TRAF1: variants seen among roughly 807,000 people sequenced by gnomAD.
The protein encoded by TRAF1 is TNF receptor associated factor 1, also known as TNF receptor-associated factor 1.
Under a neutral mutation model 40.9 loss-of-function variants are expected in TRAF1, and 23 were observed. The ratio of observed to expected loss-of-function variants is 0.56; its 90% confidence interval spans 0.40 to 0.80. The LOEUF is 0.80. Ranked by LOEUF, TRAF1 falls within the 30% of genes least tolerant of loss-of-function variation. The pLI, the probability that TRAF1 is intolerant of heterozygous loss-of-function variation, is 0.00. For synonymous variants in TRAF1, 206 were observed against 218.8 expected (o/e 0.94, Z 0.52); for missense variants, 477 against 528.7 (o/e 0.90, Z 0.96).
intron 7 of TRAF1, among the ~76,000 whole-genome samples, chr9:120,906,173 G>GGTT (rs755928507): frequency 1.2e-5 from 1 of 84,878 alleles, no homozygotes; most frequent in African/African-American, 4.4e-5. Context: ...ATTATGGTGT[G>GGTT]TTTTTTTTTT....
intron 7 of TRAF1, among the ~76,000 whole-genome samples, chr9:120,906,499 A>G (rs916929974): frequency 6.6e-6 from 1 of 152,076 alleles, no homozygotes; most frequent in Non-Finnish European, 1.5e-5. Flanking sequence ...AATAGATTGT[A>G]TTTTTTAGAG....
chr9:120,913,781 T>G (rs2046549192), intron 4 of TRAF1, 43 bp from the exon 5 acceptor site: 1 of 1,517,184 alleles, frequency 6.6e-7, no homozygotes, highest in African/African-American at 1.4e-5. Flanking sequence ...AGAGGTGGAG[T>G]GAGGACAGGG....
In TRAF1 at chr9:120,914,964, G is replaced by A. The variant is rs545760979; in HGVS notation, c.229-664C>T. Among the ~76,000 whole-genome samples the A allele has an allele frequency of 5.3e-5, 8 of 152,254 alleles. No individual in the cohort carries two copies. In the East Asian group the frequency reaches 9.6e-4, roughly 18 times the overall value. ...TCCTAGGGCTCCTTACAGCATGGTGGGGAAGAGAGGGTGGGTTTTTATTCC... is the reference window on the plus strand; with the variant it reads ...TCCTAGGGCTCCTTACAGCATGGTGAGGAAGAGAGGGTGGGTTTTTATTCC... On this transcript the variant is annotated intron_variant, in intron 3 of 7. Transcript: ENST00000373887.
rs1193143163 is a variant in TRAF1 at position 120,904,012 on chromosome 9, G to A, written c.*1008C>T. ...TCTTTGGGGTTATACATTGCTCAGT[G>A]GCTTGGAGGTCCTGATCAGTCTGCT... On this transcript the variant is annotated 3_prime_UTR_variant, in exon 8 of 8. Transcript: ENST00000373887. The A allele has an allele frequency of 6.6e-6, 1 of 152,282 alleles. No homozygotes were observed. Among genetic ancestry groups the A allele is most frequent in the Non-Finnish European group, 1.5e-5 (1 of 68,078 alleles). The allele number at this position is 152,282 out of a possible 1,614,324, so 9.4% of individuals were successfully genotyped here. A position where few individuals can be genotyped will look rare whatever the true frequency, so the allele number is the denominator to read the frequency against.
rs1564523924 is a variant in TRAF1 at position 120,902,504 on chromosome 9, CG to C, written c.*2515del. 1 of 5,870 alleles carries C rather than the reference CG, an allele frequency of 1.7e-4. No individual in the cohort carries two copies. The highest frequency in any genetic ancestry group is 3.9e-3 in the East Asian group (1 of 256). 0.4% of individuals were successfully genotyped at this position (5,870 alleles called of 1,614,324 possible). A position where few individuals can be genotyped will look rare whatever the true frequency, so the allele number is the denominator to read the frequency against. On this transcript the variant is annotated 3_prime_UTR_variant, in exon 8 of 8. Transcript: ENST00000373887. The stretch of plus-strand genomic sequence containing the variant: ...ACCAGCAGGTGCTCTGTGGGCAGGG[CG>C]GGGGGTGGGGGGGGGGGCGGTGGGC...
At chr9:120,922,891 G>A (rs2046614159) in intron 3 of TRAF1, among the ~76,000 whole-genome samples, 1 of 152,172 alleles carries the variant, frequency 6.6e-6, no homozygotes. Context: ...AGGCTGGAGT[G>A]TAGTGGCACG....
chr9:120,923,781 T>C lies in TRAF1; in HGVS notation c.152A>G (p.Asp51Gly). Residue 51 changes from aspartate (D) to glycine (G), a missense_variant, in exon 3 of 8, where the codon GAT becomes GGT. Asp to Gly is a moderately conservative substitution (Grantham distance 94). Transcript: ENST00000373887. ...CLSENPRNGE[D>G]QICPKCRGED... ...CCCTCTGCATTTGGGGCAGATCTGA[T>C]CCTCGCCATTCCTGGGGAAACATGG... The C allele has an allele frequency of 6.2e-7, 1 of 1,614,118 alleles. No homozygotes were observed. Among genetic ancestry groups the C allele is most frequent in the Non-Finnish European group, 8.5e-7 (1 of 1,179,992 alleles).
intron 7 of TRAF1, among the ~76,000 whole-genome samples, chr9:120,907,510 G>A (rs142824790): frequency 3.3e-5 from 5 of 152,268 alleles, no homozygotes; most frequent in South Asian, 4.1e-4. Context: ...TGGCTATATC[G>A]TTTGGTAAGA....
Position 120,926,623 on chromosome 9 carries a change from T to C in TRAF1, c.-300A>G, listed in dbSNP as rs2046643066. ...AGTTCTAGGCGCTTTTGCTCTGCTC[T>C]GTTTGGAGTGTCTGGGTGACCTCAA... On this transcript the variant is annotated 5_prime_UTR_variant, in exon 1 of 8. Transcript: ENST00000373887. The C allele has an allele frequency of 6.6e-6, 1 of 152,330 alleles. No individual in the cohort carries two copies. Among genetic ancestry groups the C allele is most frequent in the Non-Finnish European group, 1.5e-5 (1 of 68,124 alleles). 9.4% of individuals were successfully genotyped at this position (152,330 alleles called of 1,614,324 possible).
chr9:120,920,831 C>T (rs1017502509), intron 3 of TRAF1, among the ~76,000 whole-genome samples: 24 of 152,308 alleles, frequency 1.6e-4, no homozygotes, highest in African/African-American at 5.8e-4. Flanking sequence ...AGCCCTCCAC[C>T]CTGCCTCCAT....
At chr9:120,918,883 G>T (rs1396376724) in intron 3 of TRAF1, among the ~76,000 whole-genome samples, 1 of 152,226 alleles carries the variant, frequency 6.6e-6, no homozygotes, top group African/African-American at 2.4e-5. Flanking sequence ...TGTCCCATCA[G>T]ATCCTCACAG....
At chr9:120,928,230 A>G (rs917246847), upstream of TRAF1, 1 of 152,260 alleles carries the variant, frequency 6.6e-6, no homozygotes, top group Non-Finnish European at 1.5e-5. Flanking sequence ...ACCCAGAGCC[A>G]GTCCTGTAAC....
At chr9:120,917,415 C>T (rs568866248) in intron 3 of TRAF1, among the ~76,000 whole-genome samples, 1 of 152,284 alleles carries the variant, frequency 6.6e-6, no homozygotes, top group East Asian at 1.9e-4. Flanking sequence ...GCAGTTTCCT[C>T]ATCTGCAAAA....
intron 2 of TRAF1, among the ~76,000 whole-genome samples, 175 bp from the exon 3 acceptor site, chr9:120,923,967 A>G (rs368568187): frequency 6.6e-6 from 1 of 152,134 alleles, no homozygotes; most frequent in East Asian, 1.9e-4. Context: ...ATTTTTTGGT[A>G]GTTTGCAGTG....
rs149748100 is a variant in TRAF1 at position 120,917,670 on chromosome 9, C to T, written c.229-3370G>A. On this transcript the variant is annotated intron_variant, in intron 3 of 7. Transcript: ENST00000373887. ...GATGGCTTCCTCCCTTCCCCAGCTTCTCAGGGCTGCCTGCACTCCTTGGCT... is the reference window on the plus strand; with the variant it reads ...GATGGCTTCCTCCCTTCCCCAGCTTTTCAGGGCTGCCTGCACTCCTTGGCT... Among the ~76,000 whole-genome samples the T allele has an allele frequency of 4.2e-3, 633 of 152,284 alleles. 8 individuals carry two copies. The highest frequency in any genetic ancestry group is 0.014 in the African/African-American group (593 of 41,574).
At chr9:120,915,056 G>A (rs1420674947) in intron 3 of TRAF1, among the ~76,000 whole-genome samples, 1 of 152,184 alleles carries the variant, frequency 6.6e-6, no homozygotes, top group African/African-American at 2.4e-5. Flanking sequence ...GCCGAGCTGG[G>A]AGGCAGCACA....
intron 3 of TRAF1, among the ~76,000 whole-genome samples, chr9:120,922,178 G>A (rs1036124394): frequency 2.0e-5 from 3 of 152,318 alleles, no homozygotes; most frequent in African/African-American, 2.4e-5. Context: ...TCAGGGCCCC[G>A]TGTGTAAACA....
chr9:120,904,682 A>C lies in TRAF1; in HGVS notation c.*338T>G. The C allele has an allele frequency of 3.3e-6, 1 of 300,888 alleles. No homozygotes were observed. Among genetic ancestry groups the C allele is most frequent in the Non-Finnish European group, 6.4e-6 (1 of 157,046 alleles). 18.6% of individuals were successfully genotyped at this position (300,888 alleles called of 1,614,324 possible). On this transcript the variant is annotated 3_prime_UTR_variant, in exon 8 of 8. Transcript: ENST00000373887. ...CCGAGAGCTTCTCTGCTTGGGTCCTACGGTTCCAAGCCTGGTTCCATTTTC... is the reference window on the plus strand; with the variant it reads ...CCGAGAGCTTCTCTGCTTGGGTCCTCCGGTTCCAAGCCTGGTTCCATTTTC...
chr9:120,910,848 T>C (rs557756784), intron 6 of TRAF1, among the ~76,000 whole-genome samples: 2 of 152,346 alleles, frequency 1.3e-5, no homozygotes, highest in African/African-American at 4.8e-5. Flanking sequence ...AAGACACTCA[T>C]TCACATATGC....
Sources: gnomAD v4.1 joint callset for allele counts (sites outside exome capture counted in the v4.1 genomes callset) on GRCh38, gnomAD v4.1.1 for gene constraint, MANE v1.5 for transcripts, NCBI Gene and HGNC (gene_info 2026-07-23, HGNC 2026-07-21) for gene names.